The following HSPG2 variants were observed in gnomAD, a reference collection of about 807,000 sequenced individuals.
HSPG2 encodes the protein heparan sulfate proteoglycan 2, also known as basement membrane-specific heparan sulfate proteoglycan core protein.
In HSPG2, 278 loss-of-function variants were observed where a neutral mutation model predicts 526.6. That is an observed-to-expected ratio of 0.53 (90% confidence interval 0.48 to 0.58). The LOEUF (loss-of-function observed/expected upper bound fraction) is 0.58, where lower values mean the gene tolerates loss of function less well. Among genes scored for constraint, HSPG2 ranks in the 20% least tolerant of loss-of-function variants. HSPG2 has a pLI of 0.00. For synonymous variants in HSPG2, 2,465 were observed against 2,555.4 expected (o/e 0.96, Z 1.07); for missense variants, 5,354 against 6,099.5 (o/e 0.88, Z 4.07).
Position 21,859,883 on chromosome 1 carries a change from G to A in HSPG2, c.5134C>T (p.Arg1712Cys), listed in dbSNP as rs375031442. The change falls in exon 41 of 97, where the codon CGT becomes TGT. Residue 1712 changes from arginine to cysteine, a missense_variant. Transcript: ENST00000374695. The surrounding 1 kb of genome is among the most constrained non-coding windows in gnomAD (Gnocchi z 5.3). ...GSPPHYFYWS[R>C]EDGRPVPSGT... ...CTGGGCACAGGCCGCCCATCCTCAC[G>A]GGACCAATAGAAGTAGTGGGGTGGG... 8.1e-6 allele frequency: 13 copies of A among 1,611,166 alleles called. No homozygotes were observed. The highest frequency in any genetic ancestry group is 3.3e-5 in the Admixed American group (2 of 59,824).
chr1:21,839,571 T>C lies in HSPG2; in HGVS notation c.9710-21A>G, dbSNP rs1448336260. On this transcript the variant is annotated intron_variant, in intron 72 of 96. Coordinates refer to ENST00000374695, the MANE Select transcript of HSPG2 (RefSeq NM_005529.7). The surrounding 1 kb of genome is among the most constrained non-coding windows in gnomAD (Gnocchi z 4.5). The stretch of plus-strand genomic sequence containing the variant: ...GCTGCCTGTGGAGTCGAGTGGAAGA[T>C]GACAGAAGTCACTGGGCTACCTCAG... 1.2e-6 allele frequency: 2 copies of C among 1,612,842 alleles called. No individual in the cohort carries two copies. The highest frequency in any genetic ancestry group is 1.3e-5 in the African/African-American group (1 of 74,846).
chr1:21,884,507 C>T (rs371383115), intron 13 of HSPG2, 21 bp downstream of exon 13: 7 of 1,610,934 alleles, frequency 4.3e-6, no homozygotes, highest in Non-Finnish European at 5.9e-6. Flanking sequence ...TCCCGCAGCG[C>T]TCACCCGCCC....
In HSPG2 at chr1:21,865,894, G is replaced by T; in HGVS notation, c.4222-85C>A. On this transcript the variant is annotated intron_variant, in intron 33 of 96. Transcript: ENST00000374695. The surrounding 1 kb of genome is among the most constrained non-coding windows in gnomAD (Gnocchi z 5.4). ...ATAGGTGAGGGATGGAGCATCTGGC[G>T]GCCTTTTTGCACCTGTGCCACACTC... 1 of 1,086,248 alleles carries T rather than the reference G, an allele frequency of 9.2e-7. No individual in the cohort carries two copies. 67.3% of individuals were successfully genotyped at this position (1,086,248 alleles called of 1,614,324 possible).
intron 21 of HSPG2, 22 bp downstream of exon 21, chr1:21,878,164 G>A (rs1641228404): frequency 6.2e-7 from 1 of 1,609,718 alleles, no homozygotes; most frequent in African/African-American, 1.3e-5. Flanking sequence ...GCCCCTGGGT[G>A]GGTGGCAGAT....
chr1:21,905,029 C>T (rs960301018), intron 1 of HSPG2, among the ~76,000 whole-genome samples: 1 of 152,120 alleles, frequency 6.6e-6, no homozygotes, highest in Non-Finnish European at 1.5e-5. Context: ...CATGAGACAC[C>T]ACTAACAACC....
chr1:21,900,221 G>C (rs573831650), intron 1 of HSPG2, among the ~76,000 whole-genome samples: 44 of 152,238 alleles, frequency 2.9e-4, no homozygotes, highest in South Asian at 4.1e-4. Context: ...TAAGCAGAGA[G>C]GGGGATTTTC....
At chr1:21,908,128 A>G in intron 1 of HSPG2, 1 of 819,520 alleles carries the variant, frequency 1.2e-6, no homozygotes, top group Non-Finnish European at 2.1e-6. Flanking sequence ...GAGGAGAGGC[A>G]CCCAATAGAT....
rs151237224 is a variant in HSPG2, at chr1:21,823,466, C to T, written c.13026G>A (p.Thr4342=). The change falls in exon 97 of 97, where the codon ACG becomes ACA. Residue 4342 remains threonine, a synonymous_variant. Transcript: ENST00000374695. The part of the protein sequence containing the change: ...VYIGGAPDVA[T]LTGGRFSSGI... ...CTGAGGAGAATCTGCCCCCGGTCAG[C>T]GTGGCCACGTCAGGGGCTCCGCCTG... The T allele has an allele frequency of 3.8e-5, 61 of 1,597,670 alleles. No homozygotes were observed. Among genetic ancestry groups the T allele is most frequent in the South Asian group, 3.3e-5 (3 of 90,074 alleles).
In HSPG2 at chr1:21,844,029, C is replaced by G. The variant is rs1328399292; in HGVS notation, c.8616+119G>C. ...GCTCTCAACTTCCTGATTCCATTGA[C>G]CTCCTGCTGCCATTTCCCACAAGCC... On this transcript the variant is annotated intron_variant, in intron 65 of 96. Coordinates refer to ENST00000374695, the MANE Select transcript of HSPG2 (RefSeq NM_005529.7). 4.4e-6 allele frequency: 6 copies of G among 1,357,418 alleles called. No individual in the cohort carries two copies. In the African/African-American group the frequency reaches 8.6e-5, roughly 19 times the overall value. The allele number at this position is 1,357,418 out of a possible 1,614,324, so 84.1% of individuals were successfully genotyped here.
intron 77 of HSPG2, 30 bp downstream of exon 77, chr1:21,834,648 TC>T (rs1187501990): frequency 1.9e-6 from 3 of 1,612,754 alleles, no homozygotes; most frequent in Non-Finnish European, 2.5e-6. Flanking sequence ...CCACTCACTG[TC>T]CCCCAACAAA....
chr1:21,855,296 C>T lies in HSPG2; in HGVS notation c.5997+8G>A, dbSNP rs961970351. 5.0e-6 allele frequency: 8 copies of T among 1,600,298 alleles called. 1 individual carries two copies. In the Admixed American group the frequency reaches 1.0e-4, roughly 21 times the overall value. ...GCCTCCTCCTCCTGGGTGGGCCCAT[C>T]TCCTCACCTGTGGTGGGAGGCTGCC... is the stretch of plus-strand genomic sequence containing the variant. On this transcript the variant is annotated splice_region_variant and intron_variant, in intron 47 of 96. Coordinates refer to ENST00000374695, the MANE Select transcript of HSPG2 (RefSeq NM_005529.7).
intron 64 of HSPG2, 135 bp downstream of exon 64, chr1:21,845,973 G>T: frequency 9.2e-7 from 1 of 1,090,688 alleles, no homozygotes; most frequent in Non-Finnish European, 1.4e-6. Flanking sequence ...TGTGGGTGGC[G>T]GGAGGTGAAG....
chr1:21,906,428 C>G (rs1426945679), intron 1 of HSPG2, among the ~76,000 whole-genome samples: 1 of 152,210 alleles, frequency 6.6e-6, no homozygotes, highest in African/African-American at 2.4e-5. Flanking sequence ...CCAAGGAGGT[C>G]GGCTCCCCCT....
rs7515291 is a variant in HSPG2 at position 21,830,967 on chromosome 1, G to C, written c.11671+15C>G. ...AGGCCCTGGGGCGACAGCGACTGGC[G>C]GTCGGGGTGCGTACCTGGATGGCAG... is the stretch of plus-strand genomic sequence containing the variant. On this transcript the variant is annotated intron_variant, in intron 85 of 96. Coordinates refer to ENST00000374695, the MANE Select transcript of HSPG2 (RefSeq NM_005529.7). The C allele has an allele frequency of 6.5e-7, 1 of 1,544,952 alleles. No individual in the cohort carries two copies. The highest frequency in any genetic ancestry group is 8.8e-7 in the Non-Finnish European group (1 of 1,135,890).
At position 21,880,505 on chromosome 1, in the gene HSPG2, C is replaced by T. The variant is rs779863111; in HGVS notation, c.2053G>A (p.Val685Met). 1 of 1,613,756 alleles carries T rather than the reference C, an allele frequency of 6.2e-7. No individual in the cohort carries two copies. The highest frequency in any genetic ancestry group is 8.5e-7 in the Non-Finnish European group (1 of 1,180,000). ...AGCACGGCCTCCAGGCTCTGCAGCA[C>T]CTGCAGCAGCTCCGCGCGCTGCACC... Reference protein sequence around the residue: ...RPVQRAELLQVLQSLEAVLIQ... With the variant: ...RPVQRAELLQMLQSLEAVLIQ... The change falls in exon 16 of 97, where the codon GTG becomes ATG. Residue 685 changes from valine (V) to methionine (M), a missense_variant. Coordinates refer to ENST00000374695, the MANE Select transcript of HSPG2 (RefSeq NM_005529.7).
At chr1:21,897,377 A>G (rs1365475211) in intron 1 of HSPG2, among the ~76,000 whole-genome samples, 1 of 152,206 alleles carries the variant, frequency 6.6e-6, no homozygotes, top group Admixed American at 6.5e-5. Context: ...CACAAGGGCT[A>G]GACAAGGTAG....
In HSPG2 at chr1:21,824,457, T is replaced by TC; in HGVS notation, c.12744+79dup. On this transcript the variant is annotated intron_variant, in intron 93 of 96. Coordinates refer to ENST00000374695, the MANE Select transcript of HSPG2 (RefSeq NM_005529.7). The surrounding 1 kb of genome is among the most constrained non-coding windows in gnomAD (Gnocchi z 5.9). ...GAGGCCAGGGGGCTCTGCTTTCCCC[T>TC]CCCCCCACCACTCCGGCCACCAGGA... 1 of 1,593,294 alleles carries TC rather than the reference T, an allele frequency of 6.3e-7. No homozygotes were observed. Among genetic ancestry groups the TC allele is most frequent in the Admixed American group, 1.7e-5 (1 of 59,912 alleles).
chr1:21,870,907 A>G, intron 33 of HSPG2: 1 of 984,978 alleles, frequency 1.0e-6, no homozygotes, highest in Non-Finnish European at 1.2e-6. Flanking sequence ...GACAGGAGAC[A>G]GAGATAGGTC....
chr1:21,908,913 C>A (rs900943634), intron 1 of HSPG2, among the ~76,000 whole-genome samples: 2 of 152,190 alleles, frequency 1.3e-5, no homozygotes, highest in African/African-American at 4.8e-5. Context: ...TCGAGACCAG[C>A]CTGACCAACA....
Sources: gnomAD v4.1 joint callset for allele counts (sites outside exome capture counted in the v4.1 genomes callset) on GRCh38, gnomAD v4.1.1 for gene constraint, Gnocchi (gnomAD v3.1) non-coding constraint, MANE v1.5 for transcripts, NCBI Gene and HGNC (gene_info 2026-07-23, HGNC 2026-07-21) for gene names.